SEMA4D: variants seen among roughly 807,000 people sequenced by gnomAD.
SEMA4D encodes the protein semaphorin 4D, also known as semaphorin-4D.
Under a neutral mutation model 74.8 loss-of-function variants are expected in SEMA4D, and 22 were observed. That is an observed-to-expected ratio of 0.29 (90% CI 0.21 to 0.42). The LOEUF (loss-of-function observed/expected upper bound fraction) is 0.42. Ranked by LOEUF, SEMA4D falls within the 10% of genes least tolerant of loss-of-function variation. SEMA4D has a pLI of 1.00. For missense variants in SEMA4D, 937 were observed against 1,118.4 expected, an observed-to-expected ratio of 0.84 and a Z score of 2.31; for synonymous variants, 445 against 463.7, an observed-to-expected ratio of 0.96 and a Z score of 0.52.
intron 2 of SEMA4D, among the ~76,000 whole-genome samples, chr9:89,452,342 C>T (rs979411081): frequency 6.6e-6 from 1 of 152,036 alleles, no homozygotes; most frequent in Non-Finnish European, 1.5e-5. Context: ...CAATGCCCGG[C>T]TAATTTTTTG....
chr9:89,449,685 G>A, intron 2 of SEMA4D: 1 of 1,512,228 alleles, frequency 6.6e-7, no homozygotes, highest in African/African-American at 1.4e-5. Context: ...TAGCTCAGGT[G>A]TGTCAGTACT....
At chr9:89,487,718 A>G (rs1426685928) in intron 1 of SEMA4D, among the ~76,000 whole-genome samples, 1 of 152,230 alleles carries the variant, frequency 6.6e-6, no homozygotes, top group Admixed American at 6.5e-5. Flanking sequence ...ATTTCTATAT[A>G]TCGCAATTAA....
chr9:89,462,583 A>G (rs1857506993), intron 1 of SEMA4D, among the ~76,000 whole-genome samples: 1 of 152,130 alleles, frequency 6.6e-6, no homozygotes, highest in African/African-American at 2.4e-5. Context: ...TTGAAGGAGT[A>G]AAAATTCCCC....
chr9:89,450,373 G>A (rs181995997), intron 2 of SEMA4D: 370 of 1,061,760 alleles, frequency 3.5e-4, no homozygotes, highest in Non-Finnish European at 3.3e-4. Context: ...ATGAAAAGGC[G>A]TTTTGATGCC....
chr9:89,390,782 G>T (rs1362711536), intron 9 of SEMA4D, among the ~76,000 whole-genome samples: 4 of 152,160 alleles, frequency 2.6e-5, no homozygotes, highest in African/African-American at 9.7e-5. Context: ...AAGCCCATAG[G>T]CCATTCTCTT....
At chr9:89,407,429 G>C (rs1490496130) in intron 2 of SEMA4D, among the ~76,000 whole-genome samples, 23 of 152,118 alleles carry the variant, frequency 1.5e-4, no homozygotes. Flanking sequence ...ACCCACAAGA[G>C]CCTATGAGAC....
chr9:89,449,527 G>A, intron 2 of SEMA4D: 1 of 762,590 alleles, frequency 1.3e-6, no homozygotes, highest in South Asian at 1.4e-5. Context: ...CGGCTCAGGG[G>A]AAACGAGGCT....
At chr9:89,458,926 CA>C (rs2135622157) in intron 1 of SEMA4D, among the ~76,000 whole-genome samples, 1 of 116,952 alleles carries the variant, frequency 8.6e-6, no homozygotes, top group South Asian at 2.5e-4. Context: ...ATACTGCACA[CA>C]CCCACATGTA....
chr9:89,388,422 CCTT>C (rs1199384884), intron 11 of SEMA4D, among the ~76,000 whole-genome samples: 1 of 152,248 alleles, frequency 6.6e-6, no homozygotes, highest in Admixed American at 6.5e-5. Context: ...GCTGCCCCAG[CCTT>C]CTTGTTTGTG....
intron 2 of SEMA4D, among the ~76,000 whole-genome samples, chr9:89,414,430 C>T (rs1331911348): frequency 6.6e-6 from 1 of 152,182 alleles, no homozygotes; most frequent in Non-Finnish European, 1.5e-5. Context: ...ACCACATCTT[C>T]CCTCCCAGCT....
chr9:89,385,922 G>A, intron 13 of SEMA4D: 1 of 972,936 alleles, frequency 1.0e-6, no homozygotes. Context: ...CCAGACCAGA[G>A]TCTCAGCCAC....
At chr9:89,387,196 G>A in intron 12 of SEMA4D, 190 bp downstream of exon 12, 1 of 570,382 alleles carries the variant, frequency 1.8e-6, no homozygotes, top group Admixed American at 3.3e-5. Flanking sequence ...GTAGCCTGGT[G>A]GTCCCAGATC....
chr9:89,455,158 T>G (rs1206190960), intron 2 of SEMA4D, among the ~76,000 whole-genome samples: 1 of 152,256 alleles, frequency 6.6e-6, no homozygotes, highest in African/African-American at 2.4e-5. Flanking sequence ...CAGTGCCCTT[T>G]GGGGCTGCCA....
downstream of SEMA4D, among the ~76,000 whole-genome samples, chr9:89,376,071 C>G (rs538490135): frequency 2.0e-5 from 3 of 152,350 alleles, no homozygotes; most frequent in Admixed American, 2.0e-4. Flanking sequence ...CTCCTGGCTT[C>G]AAGCAATCCT....
At chr9:89,473,562 T>C (rs915917524) in intron 1 of SEMA4D, among the ~76,000 whole-genome samples, 10 of 151,054 alleles carry the variant, frequency 6.6e-5, no homozygotes, top group Admixed American at 4.0e-4. Context: ...TGAGACCCTG[T>C]CTCAAAAACA....
Position 89,378,803 on chromosome 9 carries a change from C to T in SEMA4D, c.2490G>A (p.Arg830=), listed in dbSNP as rs1229958823. ...GGTCGTCGATCCTCTGTGAGTCCTC[C>T]CTATCCGTGGGGACTTTGCTGGTGA... ...DTITSKVPTD[R]EDSQRIDDLS... is the part of the protein sequence containing the mutation. The change falls in exon 16 of 16, where the codon AGG becomes AGA. Residue 830 remains arginine (R), a synonymous_variant. Transcript: ENST00000422704. The T allele has an allele frequency of 1.2e-6, 2 of 1,614,190 alleles. No homozygotes were observed. The highest frequency in any genetic ancestry group is 1.7e-5 in the Admixed American group (1 of 60,026).
intron 2 of SEMA4D, among the ~76,000 whole-genome samples, chr9:89,427,753 C>A (rs780949637): frequency 1.1e-4 from 16 of 152,230 alleles, no homozygotes; most frequent in Non-Finnish European, 1.6e-4. Context: ...GCCAGCTCTA[C>A]AGCATGTGGG....
chr9:89,382,576 G>T (rs1344941504), intron 13 of SEMA4D, among the ~76,000 whole-genome samples: 2 of 152,184 alleles, frequency 1.3e-5, no homozygotes, highest in Non-Finnish European at 2.9e-5. Flanking sequence ...CCCGCCGCTG[G>T]CCTCACAGCA....
At position 89,451,924 on chromosome 9, in the gene SEMA4D, G is replaced by T. The variant is rs118107081; in HGVS notation, c.-244+3964C>A. ...TCTTTGTAACTGCTCAAGGCATCTC[G>T]GCTCTGATCAGCACACTTCTGGTGC... On this transcript the variant is annotated intron_variant, in intron 2 of 15. Coordinates refer to ENST00000422704, the MANE Select transcript of SEMA4D (RefSeq NM_001371194.2). 5.0e-4 allele frequency among the ~76,000 whole-genome samples: 76 copies of T among 152,232 alleles called. 1 individual carries two copies. The East Asian group carries it at 0.014, about 27-fold the overall frequency.
Sources: allele counts gnomAD v4.1 joint callset (sites outside exome capture counted in the v4.1 genomes callset), GRCh38; gene constraint gnomAD v4.1.1; transcripts MANE v1.5; gene names NCBI Gene and HGNC (gene_info 2026-07-23, HGNC 2026-07-21).